The following CENPP variants were observed in gnomAD, a reference collection of about 807,000 sequenced individuals.
CENPP encodes the protein centromere protein P.
Under a neutral mutation model 35.6 loss-of-function variants are expected in CENPP, and 24 were observed. The observed-to-expected ratio is 0.67, with a 90% confidence interval of 0.49 to 0.95. The LOEUF (loss-of-function observed/expected upper bound fraction) is 0.95, where lower values mean the gene tolerates loss of function less well. Ranked by LOEUF, CENPP falls within the 40% of genes least tolerant of loss-of-function variation. The pLI, the probability that CENPP is intolerant of heterozygous loss-of-function variation, is 0.00. For synonymous variants in CENPP, 120 were observed against 125.5 expected (o/e 0.96, Z 0.29); for missense variants, 332 against 345.3 (o/e 0.96, Z 0.31).
intron 5 of CENPP, among the ~76,000 whole-genome samples, chr9:92,523,559 G>A (rs1306431098): frequency 2.6e-5 from 4 of 152,202 alleles, no homozygotes; most frequent in Non-Finnish European, 5.9e-5. Flanking sequence ...GTCTCCACAC[G>A]ATTTATTGAG....
chr9:92,406,248 G>A (rs771638832), intron 5 of CENPP, among the ~76,000 whole-genome samples: 14 of 152,130 alleles, frequency 9.2e-5, no homozygotes, highest in South Asian at 2.1e-4. Flanking sequence ...TGGAGGGAGA[G>A]AGAGAAGAAG....
intron 5 of CENPP, among the ~76,000 whole-genome samples, chr9:92,408,620 A>G (rs1406236847): frequency 6.6e-6 from 1 of 152,070 alleles, no homozygotes. Flanking sequence ...CCTCTGCACT[A>G]CTGACATTTT....
rs1286444829 is a variant in CENPP, at chr9:92,416,768, A to G, written c.564+36909A>G. 3.7e-6 allele frequency: 6 copies of G among 1,613,770 alleles called. No homozygotes were observed. In the African/African-American group the frequency reaches 4.0e-5, roughly 11 times the overall value. ...GATGTCTTGTAGTTTGTTGTGTGAC[A>G]TTCTTAGAGTATGAAGTTTTGGAAG... is the stretch of plus-strand genomic sequence containing the variant. On this transcript the variant is annotated intron_variant, in intron 5 of 7. Transcript: ENST00000375587.
intron 5 of CENPP, among the ~76,000 whole-genome samples, chr9:92,594,772 T>G (rs1234550679): frequency 8.6e-5 from 13 of 151,962 alleles, no homozygotes; most frequent in Admixed American, 8.5e-4. Flanking sequence ...CTGGACAACA[T>G]AGCAAGACCC....
intron 5 of CENPP, chr9:92,514,658 G>A: frequency 6.3e-7 from 1 of 1,596,494 alleles, no homozygotes. Context: ...GTTATCTGTG[G>A]TGCTGTCAGC....
intron 2 of CENPP, among the ~76,000 whole-genome samples, chr9:92,333,193 G>A (rs959297886): frequency 6.6e-6 from 1 of 152,194 alleles, no homozygotes; most frequent in Admixed American, 6.5e-5. Flanking sequence ...ACTTTGGTTG[G>A]TCAAGAATAA....
intron 5 of CENPP, chr9:92,404,771 A>G (rs1039792484): frequency 1.8e-5 from 10 of 557,044 alleles, no homozygotes; most frequent in Non-Finnish European, 2.5e-5. Context: ...AACTAATTTG[A>G]CTATAAACTT....
chr9:92,491,245 C>T (rs1281808427), intron 5 of CENPP, among the ~76,000 whole-genome samples: 1 of 152,150 alleles, frequency 6.6e-6, no homozygotes, highest in Non-Finnish European at 1.5e-5. Flanking sequence ...AAGAGATAAT[C>T]ACTACAGACC....
rs868165524 is a variant in CENPP, at chr9:92,547,107, C to T, written c.565-64207C>T. Among the ~76,000 whole-genome samples, 6 of 152,060 alleles carry T rather than the reference C, an allele frequency of 3.9e-5. 1 individual carries two copies. The highest frequency in any genetic ancestry group is 2.1e-4 in the South Asian group (1 of 4,832). The stretch of plus-strand genomic sequence containing the variant: ...TATACTGGGTTTATTCAAGAACTAG[C>T]GGCGTAAGTGTAACAGTCCAAACAC... On this transcript the variant is annotated intron_variant, in intron 5 of 7. Transcript: ENST00000375587.
At position 92,345,698 on chromosome 9, in the gene CENPP, G is replaced by A. The variant is rs1484418997; in HGVS notation, c.379-1G>A. ...TACAGAAATTTTTATCTTTATTTTA[G>A]AATAAGGAGAGATTATCTTCTGCTG... On this transcript the variant is annotated splice_acceptor_variant, in intron 3 of 7. Coordinates refer to ENST00000375587, the MANE Select transcript of CENPP (RefSeq NM_001012267.3). LOFTEE classifies it high-confidence loss of function. 6.5e-7 allele frequency: 1 copy of A among 1,528,122 alleles called. No homozygotes were observed. Among genetic ancestry groups the A allele is most frequent in the Non-Finnish European group, 9.0e-7 (1 of 1,109,006 alleles). 94.7% of individuals were successfully genotyped at this position (1,528,122 alleles called of 1,614,324 possible). A position where few individuals can be genotyped will look rare whatever the true frequency, so the allele number is the denominator to read the frequency against.
chr9:92,386,204 A>C (rs1176444647), intron 5 of CENPP: 6 of 1,597,920 alleles, frequency 3.8e-6, no homozygotes, highest in Non-Finnish European at 5.1e-6. Context: ...ATCATACCTG[A>C]AGATGAATTA....
At chr9:92,572,365 T>A (rs953588998) in intron 5 of CENPP, among the ~76,000 whole-genome samples, 30 of 152,210 alleles carry the variant, frequency 2.0e-4, no homozygotes, top group African/African-American at 7.2e-4. Context: ...TTTGGCTGGA[T>A]ATGAAATTCT....
intron 4 of CENPP, among the ~76,000 whole-genome samples, chr9:92,357,356 C>G (rs1006699527): frequency 4.0e-5 from 6 of 151,786 alleles, no homozygotes; most frequent in African/African-American, 1.5e-4. Context: ...ATAACCAACT[C>G]CCTCAACTTT....
intron 5 of CENPP, chr9:92,389,588 A>G: frequency 3.7e-6 from 1 of 269,880 alleles, no homozygotes; most frequent in Admixed American, 5.1e-5. Context: ...GTCTAAATAA[A>G]TATTTGCTGT....
intron 5 of CENPP, among the ~76,000 whole-genome samples, chr9:92,472,812 G>A (rs924832721): frequency 6.6e-6 from 1 of 152,168 alleles, no homozygotes; most frequent in Non-Finnish European, 1.5e-5. Flanking sequence ...TATGAACACA[G>A]GATATTATTT....
chr9:92,429,790 AATCATC>A (rs5899160), intron 5 of CENPP, among the ~76,000 whole-genome samples: 14 of 150,524 alleles, frequency 9.3e-5, no homozygotes, highest in African/African-American at 1.5e-4. Context: ...TCCGTCTCAA[AATCATC>A]ATCATCATCA....
At chr9:92,555,704 T>C (rs1849710381) in intron 5 of CENPP, among the ~76,000 whole-genome samples, 1 of 152,194 alleles carries the variant, frequency 6.6e-6, no homozygotes, top group African/African-American at 2.4e-5. Flanking sequence ...CCTTGAATGA[T>C]CTTTTGTATT....
intron 5 of CENPP, among the ~76,000 whole-genome samples, chr9:92,485,492 A>G (rs1027290365): frequency 2.0e-5 from 3 of 152,240 alleles, no homozygotes; most frequent in Non-Finnish European, 4.4e-5. Flanking sequence ...CTTTAATGCA[A>G]ATTTATTTTC....
At chr9:92,334,728 C>T (rs1299005954) in intron 2 of CENPP, among the ~76,000 whole-genome samples, 12 of 150,706 alleles carry the variant, frequency 8.0e-5, no homozygotes. Flanking sequence ...AAAAATACAA[C>T]AATTAGCTAG....
Sources: gnomAD v4.1 joint callset for allele counts (sites outside exome capture counted in the v4.1 genomes callset) on GRCh38, gnomAD v4.1.1 for gene constraint, MANE v1.5 for transcripts, NCBI Gene and HGNC (gene_info 2026-07-23, HGNC 2026-07-21) for gene names.